KDM6A: variants seen among roughly 807,000 people sequenced by gnomAD.
The protein encoded by KDM6A is lysine demethylase 6A.
Under a neutral mutation model 117.6 loss-of-function variants are expected in KDM6A, and 11 were observed. The ratio of observed to expected loss-of-function variants is 0.09; its 90% CI spans 0.06 to 0.15. The LOEUF is 0.15. KDM6A is among the 10% of genes least tolerant of loss of function. KDM6A has a pLI of 1.00. For missense variants in KDM6A, 799 were observed against 1,077.3 expected (o/e 0.74, Z 3.62); for synonymous variants, 384 against 396.1 (o/e 0.97, Z 0.36).
At chrX:44,883,371 G>A (rs1394747981) in intron 2 of KDM6A, among the ~76,000 whole-genome samples, 1 of 109,415 alleles carries the variant, frequency 9.1e-6, no homozygotes, top group Non-Finnish European at 1.9e-5. Flanking sequence ...GTGCTGGCTG[G>A]AGCAGTTAGT....
chrX:44,939,320 C>G (rs1362652607), intron 2 of KDM6A, among the ~76,000 whole-genome samples: 2 of 111,882 alleles, frequency 1.8e-5, no homozygotes, highest in Non-Finnish European at 3.8e-5. Context: ...TGATTTCAAC[C>G]CTCATGGATG....
chrX:45,104,328 A>G (rs2046451388), intron 27 of KDM6A, among the ~76,000 whole-genome samples: 1 of 112,946 alleles, frequency 8.9e-6, no homozygotes. Context: ...CAGCCCTCAA[A>G]TTGAATTCTT....
chrX:44,952,771 T>TTTG (rs755703341), intron 2 of KDM6A, among the ~76,000 whole-genome samples: 327 of 110,450 alleles, frequency 3.0e-3, no homozygotes, highest in Non-Finnish European at 4.1e-3. Context: ...AGGCAGTTGT[T>TTTG]TTGTTGTTGT....
chrX:44,877,676 T>C (rs996658327), intron 2 of KDM6A, among the ~76,000 whole-genome samples: 1 of 110,188 alleles, frequency 9.1e-6, no homozygotes, highest in Non-Finnish European at 1.9e-5. Flanking sequence ...GGGAATCTTA[T>C]CTGCGTCAGG....
At chrX:44,925,986 A>G (rs1417196691) in intron 2 of KDM6A, among the ~76,000 whole-genome samples, 7 of 111,667 alleles carry the variant, frequency 6.3e-5, no homozygotes, top group Non-Finnish European at 1.3e-4. Flanking sequence ...GAGTTATCCA[A>G]TCACTGGACT....
rs148836161 is a variant in KDM6A, at chrX:44,896,783, G to A, written c.225+22796G>A. ...CACAGTGGACAGTTATTTTCTTTAAGTACTTGACAAGTGTTGTGCTATTTT... is the reference window on the plus strand; with the variant it reads ...CACAGTGGACAGTTATTTTCTTTAAATACTTGACAAGTGTTGTGCTATTTT... On this transcript the variant is annotated intron_variant, in intron 2 of 29. Coordinates refer to ENST00000611820, the MANE Select transcript of KDM6A (RefSeq NM_001291415.2). Among the ~76,000 whole-genome samples, 751 of 109,722 alleles carry A rather than the reference G, an allele frequency of 6.8e-3. 32 individuals are homozygous for A. The East Asian group carries it at 0.16, about 23-fold the overall frequency.
chrX:45,062,674 A>G lies in KDM6A; in HGVS notation c.1609A>G (p.Asn537Asp). ...TTTGGAACAGCTCCGCGCAAATAGA[A>G]ATAATTTAAATCCAGCACAGAAACT... ...QHLEQLRANR[N>D]NLNPAQKLML... The change falls in exon 16 of 30, where the codon AAT becomes GAT. Residue 537 changes from asparagine to aspartate, a missense_variant. By Grantham distance (23) the Asn-to-Asp change is conservative. This residue lies in a region of KDM6A where 301 missense variants were observed against 318.3 expected (regional missense o/e 0.95). Coordinates refer to ENST00000611820, the MANE Select transcript of KDM6A (RefSeq NM_001291415.2). 1 of 1,208,062 alleles carries G rather than the reference A, an allele frequency of 8.3e-7. No homozygotes were observed. Among genetic ancestry groups the G allele is most frequent in the African/African-American group, 1.7e-5 (1 of 57,832 alleles).
intron 21 of KDM6A, among the ~76,000 whole-genome samples, chrX:45,080,433 A>G (rs2045347511): frequency 8.9e-6 from 1 of 112,313 alleles, no homozygotes; most frequent in South Asian, 3.7e-4. Context: ...CAAAGTGAAC[A>G]TAATACATCC....
At chrX:44,876,996 C>T (rs749167820) in intron 2 of KDM6A, among the ~76,000 whole-genome samples, 7 of 110,112 alleles carry the variant, frequency 6.4e-5, no homozygotes, top group East Asian at 5.7e-4. Flanking sequence ...TATACGCATA[C>T]GTATATACAC....
rs2148053356 is a variant in KDM6A at position 45,070,170 on chromosome X, A to G, written c.2671A>G (p.Asn891Asp). The change falls in exon 18 of 30, where the codon AAC (asparagine) becomes GAC (aspartate). Residue 891 changes from asparagine (N) to aspartate (D), a missense_variant. By Grantham distance (23) the Asn-to-Asp change is conservative. Around this residue, in one of 8 missense-constraint regions of KDM6A, gnomAD observed 291 missense variants for 437.9 expected, o/e 0.66. Transcript: ENST00000611820. ...SPKSTEQTTT[N>D]SVTSLNSPHS... ...AAAATCCACTGAGCAGACAACCACA[A>G]ACAGTGTTACCAGCCTTAACAGCCC... 1 of 1,211,536 alleles carries G rather than the reference A, an allele frequency of 8.3e-7. No individual in the cohort carries two copies. The highest frequency in any genetic ancestry group is 1.1e-6 in the Non-Finnish European group (1 of 895,249).
At chrX:44,962,352 C>G (rs73488895) in intron 3 of KDM6A, among the ~76,000 whole-genome samples, 1 of 111,715 alleles carries the variant, frequency 9.0e-6, no homozygotes, top group Non-Finnish European at 1.9e-5. Context: ...TACAGCTGCA[C>G]TACCTTTAAC....
At position 44,988,264 on chromosome X, in the gene KDM6A, C is replaced by T. The variant is rs778943706; in HGVS notation, c.384+13549C>T. 2.5e-4 allele frequency among the ~76,000 whole-genome samples: 28 copies of T among 111,625 alleles called. No homozygotes were observed. In the South Asian group the frequency reaches 4.5e-3, roughly 18 times the overall value. ...GCCTTGGTTTTCAGCTCCATCAGGTCCTTTAAGGACTGCTCTGCATTGGTT... is the reference window on the plus strand; with the variant it reads ...GCCTTGGTTTTCAGCTCCATCAGGTTCTTTAAGGACTGCTCTGCATTGGTT... On this transcript the variant is annotated intron_variant, in intron 4 of 29. Coordinates refer to ENST00000611820, the MANE Select transcript of KDM6A (RefSeq NM_001291415.2).
chrX:44,934,533 C>T (rs1247463156), intron 2 of KDM6A, among the ~76,000 whole-genome samples: 3 of 111,623 alleles, frequency 2.7e-5, no homozygotes, highest in African/African-American at 6.5e-5. Flanking sequence ...TGGAAACTTT[C>T]GTTCCTCCGG....
Position 45,069,655 on chromosome X carries a change from A to G in KDM6A, c.2156A>G (p.Gln719Arg). ...CCTCTCTCTTCCACTGGGCCTTCCC[A>G]GCATCTCCAGGCAGCTGGCTCTGGT... is the stretch of plus-strand genomic sequence containing the variant. The part of the protein sequence containing the change: ...ERPLSSTGPS[Q>R]HLQAAGSGIQ... The change falls in exon 18 of 30, where the codon CAG becomes CGG. Residue 719 changes from glutamine to arginine, a missense_variant. Gln to Arg is a conservative substitution (Grantham distance 43, BLOSUM62 1). This residue lies in a region of KDM6A where 301 missense variants were observed against 318.3 expected (regional missense o/e 0.95). Transcript: ENST00000611820. 1 of 1,210,538 alleles carries G rather than the reference A, an allele frequency of 8.3e-7. No homozygotes were observed. Among genetic ancestry groups the G allele is most frequent in the African/African-American group, 1.7e-5 (1 of 57,669 alleles).
chrX:44,952,585 CT>C (rs1423765050), intron 2 of KDM6A, among the ~76,000 whole-genome samples: 1 of 111,624 alleles, frequency 9.0e-6, no homozygotes, highest in Non-Finnish European at 1.9e-5. Context: ...TCTGCTGACT[CT>C]TTTGACAAAA....
chrX:44,937,469 C>G (rs2037038423), intron 2 of KDM6A, among the ~76,000 whole-genome samples: 1 of 111,752 alleles, frequency 8.9e-6, no homozygotes, highest in Non-Finnish European at 1.9e-5. Context: ...CTATTTCAAA[C>G]TTTTTCATTA....
At chrX:45,079,501 ATATGTATGTATGTATGTATG>A (rs72270582) in intron 21 of KDM6A, 150 bp downstream of exon 21, 35 of 424,619 alleles carry the variant, frequency 8.2e-5, no homozygotes, top group Non-Finnish European at 1.3e-4. Flanking sequence ...TCGTATGTAT[ATATGTATGTATGTATGTATG>A]TATGTATGTA....
intron 6 of KDM6A, among the ~76,000 whole-genome samples, chrX:45,028,789 GC>G (rs1004493677): frequency 1.8e-5 from 2 of 112,173 alleles, no homozygotes; most frequent in African/African-American, 6.5e-5. Context: ...CACTCTGCCT[GC>G]CCAACTTTGG....
At chrX:44,908,864 G>T (rs927287985) in intron 2 of KDM6A, among the ~76,000 whole-genome samples, 7 of 112,038 alleles carry the variant, frequency 6.2e-5, no homozygotes, top group Non-Finnish European at 9.4e-5. Flanking sequence ...TGTTGGAAGG[G>T]AACAGAGATA....
Sources: allele counts gnomAD v4.1 joint callset (sites outside exome capture counted in the v4.1 genomes callset), GRCh38; gene constraint gnomAD v4.1.1; regional missense constraint gnomAD v4.1.1; transcripts MANE v1.5; gene names NCBI Gene and HGNC (gene_info 2026-07-23, HGNC 2026-07-21).